ATP2B1: variants seen among roughly 807,000 people sequenced by gnomAD.
The protein encoded by ATP2B1 is ATPase plasma membrane Ca2+ transporting 1, also known as plasma membrane calcium-transporting ATPase 1.
Under a neutral mutation model 124.2 loss-of-function variants are expected in ATP2B1, and 14 were observed. The observed-to-expected ratio is 0.11, with a 90% CI of 0.07 to 0.18. ATP2B1 has a LOEUF of 0.18. ATP2B1 is among the 10% of genes least tolerant of loss of function. The probability of loss-of-function intolerance (pLI) is 1.00; values close to 1 mark genes in which losing one functional copy is unlikely to be tolerated. For missense variants in ATP2B1, 763 were observed against 1,466.1 expected (o/e 0.52, Z 7.83); for synonymous variants, 449 against 492.4 (o/e 0.91, Z 1.17).
intron 2 of ATP2B1, among the ~76,000 whole-genome samples, chr12:89,645,480 A>T (rs2136274876): frequency 6.6e-6 from 1 of 152,328 alleles, no homozygotes; most frequent in Non-Finnish European, 1.5e-5. Context: ...TAAAATAACT[A>T]CAGACAAGTA....
chr12:89,631,378 T>A (rs531929128), intron 5 of ATP2B1, among the ~76,000 whole-genome samples: 1 of 152,304 alleles, frequency 6.6e-6, no homozygotes, highest in South Asian at 2.1e-4. Context: ...ACACTGCTTA[T>A]AAAGAAACAA....
intron 1 of ATP2B1, among the ~76,000 whole-genome samples, chr12:89,688,769 G>T (rs776010462): frequency 7.2e-5 from 11 of 152,064 alleles, no homozygotes; most frequent in Non-Finnish European, 1.0e-4. Context: ...CTGGGACTCA[G>T]TCTTCTCATC....
chr12:89,611,441 C>G, intron 12 of ATP2B1, 69 bp from the exon 13 acceptor site: 1 of 1,266,134 alleles, frequency 7.9e-7, no homozygotes, highest in Admixed American at 2.6e-5. Flanking sequence ...TATTTCACTG[C>G]ACACGACTGC....
chr12:89,592,683 T>A (rs1030246621), intron 20 of ATP2B1, among the ~76,000 whole-genome samples: 2 of 152,010 alleles, frequency 1.3e-5, no homozygotes, highest in African/African-American at 4.8e-5. Flanking sequence ...GTCAAACAGG[T>A]TTCTTCAACT....
At chr12:89,635,294 T>C in intron 3 of ATP2B1, 43 bp from the exon 4 acceptor site, 1 of 1,588,148 alleles carries the variant, frequency 6.3e-7, no homozygotes, top group Non-Finnish European at 8.6e-7. Flanking sequence ...AGATTCTGAA[T>C]TGATGACAAC....
At chr12:89,621,514 AAATT>A in intron 10 of ATP2B1, 31 bp downstream of exon 10, 1 of 1,415,742 alleles carries the variant, frequency 7.1e-7, no homozygotes, top group Non-Finnish European at 9.5e-7. Context: ...ATAGATTTAA[AAATT>A]AATTTTCATA....
chr12:89,645,109 G>C (rs138254285), intron 2 of ATP2B1, among the ~76,000 whole-genome samples: 200 of 152,196 alleles, frequency 1.3e-3, no homozygotes, highest in African/African-American at 4.5e-3. Flanking sequence ...TGGGGGTCAA[G>C]GGAGGGCACT....
intron 1 of ATP2B1, among the ~76,000 whole-genome samples, chr12:89,706,537 C>T (rs1034427748): frequency 8.5e-5 from 13 of 152,054 alleles, no homozygotes; most frequent in Non-Finnish European, 1.9e-4. Context: ...CAAATCAAAA[C>T]TAGTTTCTCA....
chr12:89,662,113 C>T (rs1471669339), intron 1 of ATP2B1, among the ~76,000 whole-genome samples: 1 of 151,458 alleles, frequency 6.6e-6, no homozygotes, highest in Non-Finnish European at 1.5e-5. Context: ...CATATCTTAT[C>T]AAGAGAGACT....
In ATP2B1 at chr12:89,588,964, CA is replaced by C. The variant is rs1873084325; in HGVS notation, c.*2019del. On this transcript the variant is annotated 3_prime_UTR_variant, in exon 21 of 21. Transcript: ENST00000428670. ...GGTAAATGATTTTCCCAAGATCATG[CA>C]GCACATTAATGGCAAAACCAAGACT... 1 of 152,572 alleles carries C rather than the reference CA, an allele frequency of 6.6e-6. No homozygotes were observed. Among genetic ancestry groups the C allele is most frequent in the African/African-American group, 2.4e-5 (1 of 41,432 alleles). 9.5% of individuals were successfully genotyped at this position (152,572 alleles called of 1,614,324 possible).
intron 2 of ATP2B1, among the ~76,000 whole-genome samples, chr12:89,643,423 T>A (rs970924356): frequency 4.5e-4 from 68 of 152,272 alleles, no homozygotes; most frequent in African/African-American, 1.5e-3. Flanking sequence ...TACTAAAATG[T>A]CTCTGTTATA....
intron 1 of ATP2B1, among the ~76,000 whole-genome samples, chr12:89,698,185 T>C (rs1350909181): frequency 1.3e-5 from 2 of 152,200 alleles, no homozygotes; most frequent in Non-Finnish European, 2.9e-5. Flanking sequence ...AGTACTTTTA[T>C]CAAGAACATA....
intron 2 of ATP2B1, among the ~76,000 whole-genome samples, chr12:89,655,331 C>A (rs1565878447): frequency 6.6e-6 from 1 of 152,166 alleles, no homozygotes; most frequent in Admixed American, 6.5e-5. Flanking sequence ...GGATAGTGAT[C>A]TGAGAGTTTA....
chr12:89,677,199 G>T (rs942209948), intron 1 of ATP2B1, among the ~76,000 whole-genome samples: 4 of 152,102 alleles, frequency 2.6e-5, no homozygotes, highest in Non-Finnish European at 4.4e-5. Context: ...AGACCCTGTA[G>T]GATATTAAAC....
chr12:89,600,481 C>T (rs1374301387), intron 19 of ATP2B1, among the ~76,000 whole-genome samples: 2 of 152,018 alleles, frequency 1.3e-5, no homozygotes, highest in East Asian at 1.9e-4. Context: ...TCTCTTATTT[C>T]AGGCACTTTA....
At chr12:89,681,742 A>C (rs1889377410) in intron 1 of ATP2B1, among the ~76,000 whole-genome samples, 1 of 152,220 alleles carries the variant, frequency 6.6e-6, no homozygotes, top group Non-Finnish European at 1.5e-5. Flanking sequence ...CAATATTAGA[A>C]AATCTGGTAA....
intron 6 of ATP2B1, among the ~76,000 whole-genome samples, chr12:89,629,211 G>A (rs777253397): frequency 2.4e-4 from 36 of 152,142 alleles, no homozygotes; most frequent in Non-Finnish European, 4.1e-4. Flanking sequence ...TAAAAGGGTA[G>A]ACTCTTGAGC....
At chr12:89,614,402 T>A (rs533016547) in intron 12 of ATP2B1, among the ~76,000 whole-genome samples, 1 of 152,142 alleles carries the variant, frequency 6.6e-6, no homozygotes, top group East Asian at 1.9e-4. Context: ...TGTGACCACA[T>A]GGCAAACATT....
At chr12:89,693,590 C>A (rs1293543537) in intron 1 of ATP2B1, among the ~76,000 whole-genome samples, 1 of 99,464 alleles carries the variant, frequency 1.0e-5, no homozygotes, top group Non-Finnish European at 2.1e-5. Flanking sequence ...TTTGTGAATT[C>A]TTATTTTTTA....
Sources: gnomAD v4.1 joint callset for allele counts (sites outside exome capture counted in the v4.1 genomes callset) on GRCh38, gnomAD v4.1.1 for gene constraint, MANE v1.5 for transcripts, NCBI Gene and HGNC (gene_info 2026-07-23, HGNC 2026-07-21) for gene names.